Variants in AGBL4 observed in about 807,000 individuals in gnomAD.
AGBL4 encodes the protein AGBL carboxypeptidase 4, also known as cytosolic carboxypeptidase 6.
Under a neutral mutation model 66.4 loss-of-function variants are expected in AGBL4, and 58 were observed. That is an observed-to-expected ratio of 0.87 (90% confidence interval 0.71 to 1.09). AGBL4 has a LOEUF of 1.09. AGBL4 is among the 50% of genes least tolerant of loss of function. The pLI is 0.00. For synonymous variants in AGBL4, 234 were observed against 222.9 expected, an observed-to-expected ratio of 1.05 and a Z score of -0.44; for missense variants, 579 against 631.0, an observed-to-expected ratio of 0.92 and a Z score of 0.88.
chr1:50,005,218 C>G (rs939148516), intron 1 of AGBL4, among the ~76,000 whole-genome samples: 1 of 152,288 alleles, frequency 6.6e-6, no homozygotes, highest in East Asian at 1.9e-4. Context: ...AGGTCTGATC[C>G]AGCACAGTCC....
intron 3 of AGBL4, among the ~76,000 whole-genome samples, chr1:49,563,820 T>C (rs919329040): frequency 1.3e-5 from 2 of 152,208 alleles, no homozygotes; most frequent in Non-Finnish European, 2.9e-5. Context: ...GATGCTGGCC[T>C]CATAAAATGA....
At chr1:49,936,368 A>G (rs2148278825) in intron 1 of AGBL4, among the ~76,000 whole-genome samples, 1 of 152,338 alleles carries the variant, frequency 6.6e-6, no homozygotes, top group East Asian at 1.9e-4. Context: ...TGATTGGGGT[A>G]CCTTAAAGTG....
chr1:49,492,299 G>T (rs1647204774), intron 3 of AGBL4, among the ~76,000 whole-genome samples: 1 of 151,964 alleles, frequency 6.6e-6, no homozygotes, highest in African/African-American at 2.4e-5. Flanking sequence ...TGTGTATATA[G>T]TGTGAATATG....
In AGBL4 at chr1:48,547,538, G is replaced by A. The variant is rs762746847; in HGVS notation, c.1268-7800C>T. On this transcript the variant is annotated intron_variant, in intron 11 of 13. Transcript: ENST00000371839. Reference sequence around the variant, plus strand: ...AGGGGAGAGATTAGGAGGTCAGTTCGGAGCATGTTGGGTTTGAGCTATGAG... The same window carrying A: ...AGGGGAGAGATTAGGAGGTCAGTTCAGAGCATGTTGGGTTTGAGCTATGAG... Among the ~76,000 whole-genome samples, 7 of 152,114 alleles carry A rather than the reference G, an allele frequency of 4.6e-5. No individual in the cohort carries two copies. The South Asian group carries it at 1.0e-3, about 23-fold the overall frequency.
chr1:48,768,215 C>G (rs1644628112), intron 6 of AGBL4, among the ~76,000 whole-genome samples: 1 of 152,116 alleles, frequency 6.6e-6, no homozygotes, highest in South Asian at 2.1e-4. Flanking sequence ...AAAGTGCCTG[C>G]CTTTCTCCCA....
At chr1:49,111,373 G>A (rs1472327979) in intron 4 of AGBL4, among the ~76,000 whole-genome samples, 1 of 152,104 alleles carries the variant, frequency 6.6e-6, no homozygotes, top group Non-Finnish European at 1.5e-5. Flanking sequence ...TGGCCTCCCA[G>A]ATTGCTGGGA....
At chr1:49,567,163 G>A (rs1415298266) in intron 3 of AGBL4, among the ~76,000 whole-genome samples, 3 of 152,226 alleles carry the variant, frequency 2.0e-5, no homozygotes, top group South Asian at 2.1e-4. Context: ...TGCAGTATTA[G>A]GGTGGGAGTG....
chr1:48,696,665 A>G (rs2148500096), intron 6 of AGBL4, among the ~76,000 whole-genome samples: 1 of 152,262 alleles, frequency 6.6e-6, no homozygotes, highest in South Asian at 2.1e-4. Context: ...AGGACTGAGG[A>G]GATGCAAATA....
chr1:49,080,055 T>C (rs1644781649), intron 4 of AGBL4, among the ~76,000 whole-genome samples: 1 of 152,202 alleles, frequency 6.6e-6, no homozygotes, highest in African/African-American at 2.4e-5. Flanking sequence ...TATTCTTAAC[T>C]ACCTGAAAAT....
chr1:48,879,252 G>A (rs184705351), intron 5 of AGBL4, among the ~76,000 whole-genome samples: 27 of 151,518 alleles, frequency 1.8e-4, no homozygotes, highest in Non-Finnish European at 3.7e-4. Flanking sequence ...GACACATCTT[G>A]AAGTCTGTTG....
At chr1:49,174,808 C>G (rs527395853) in intron 4 of AGBL4, 2 of 151,856 alleles carry the variant, frequency 1.3e-5, no homozygotes, top group African/African-American at 4.8e-5. Flanking sequence ...GCCTTTCTCT[C>G]TAGACATCCT....
intron 6 of AGBL4, chr1:48,742,582 C>T (rs1321973668): frequency 6.8e-7 from 1 of 1,463,468 alleles, no homozygotes; most frequent in Non-Finnish European, 9.1e-7. Flanking sequence ...CTCTGACTAA[C>T]AAACACTTGC....
chr1:49,420,098 G>C (rs1645510809), intron 3 of AGBL4, among the ~76,000 whole-genome samples: 1 of 152,168 alleles, frequency 6.6e-6, no homozygotes, highest in Non-Finnish European at 1.5e-5. Context: ...ACCTCTAATA[G>C]CACAAATGAC....
intron 4 of AGBL4, among the ~76,000 whole-genome samples, chr1:49,068,077 ATGG>A (rs1442483688): frequency 6.6e-6 from 1 of 152,158 alleles, no homozygotes; most frequent in Non-Finnish European, 1.5e-5. Flanking sequence ...GATGAATTAA[ATGG>A]TGATTAGAAC....
intron 3 of AGBL4, among the ~76,000 whole-genome samples, chr1:49,603,621 A>G (rs1307018906): frequency 1.3e-5 from 2 of 152,160 alleles, no homozygotes; most frequent in Non-Finnish European, 2.9e-5. Context: ...GAGGCAGGCC[A>G]TTAAAAATTG....
chr1:49,774,557 T>G (rs1469264453), intron 2 of AGBL4, among the ~76,000 whole-genome samples: 1 of 152,238 alleles, frequency 6.6e-6, no homozygotes, highest in Non-Finnish European at 1.5e-5. Context: ...CTAAAAATCT[T>G]TATCTTTAAA....
chr1:49,740,124 G>T (rs531251155), intron 2 of AGBL4, among the ~76,000 whole-genome samples: 1 of 152,290 alleles, frequency 6.6e-6, no homozygotes, highest in African/African-American at 2.4e-5. Context: ...AAAGAGGCAA[G>T]ATCCATCAGT....
At chr1:48,744,168 A>C (rs1389639088) in intron 6 of AGBL4, among the ~76,000 whole-genome samples, 1 of 152,300 alleles carries the variant, frequency 6.6e-6, no homozygotes, top group African/African-American at 2.4e-5. Context: ...GCACCTCCCA[A>C]TTAGAGGTGC....
rs191204473 is a variant in AGBL4 at position 49,548,717 on chromosome 1, G to C, written c.282+148596C>G. Among the ~76,000 whole-genome samples the C allele has an allele frequency of 2.0e-5, 3 of 152,198 alleles. No homozygotes were observed. The East Asian group carries it at 5.8e-4, about 29-fold the overall frequency. On this transcript the variant is annotated intron_variant, in intron 3 of 13. Transcript: ENST00000371839. ...GGGTTTTAGCATCTATGTTCATCAAGGATATCAGTCTGTAGTTTTCTTTTT... is the reference window on the plus strand; with the variant it reads ...GGGTTTTAGCATCTATGTTCATCAACGATATCAGTCTGTAGTTTTCTTTTT...
Sources: allele counts gnomAD v4.1 joint callset (sites outside exome capture counted in the v4.1 genomes callset), GRCh38; gene constraint gnomAD v4.1.1; transcripts MANE v1.5; gene names NCBI Gene and HGNC (gene_info 2026-07-23, HGNC 2026-07-21).